HERC2: variants seen among roughly 807,000 people sequenced by gnomAD.
The protein encoded by HERC2 is E3 ubiquitin-protein ligase HERC2.
A neutral mutation model predicts 537.7 loss-of-function variants in HERC2; 102 were observed. That is an observed-to-expected ratio of 0.19 (90% CI 0.16 to 0.22). HERC2 has a LOEUF of 0.22. HERC2 is among the 10% of genes least tolerant of loss of function. The pLI is 1.00. For synonymous variants in HERC2, 2,224 were observed against 2,466.2 expected, an observed-to-expected ratio of 0.90 and a Z score of 2.91; for missense variants, 4,236 against 6,198.2, an observed-to-expected ratio of 0.68 and a Z score of 10.63.
At chr15:28,142,179 C>T in intron 76 of HERC2, 59 bp downstream of exon 76, 1 of 1,564,986 alleles carries the variant, frequency 6.4e-7, no homozygotes, top group Non-Finnish European at 8.7e-7. Flanking sequence ...CATCTTGTTA[C>T]ACTATAGCTA....
rs1016292822 is a variant in HERC2 at position 28,269,121 on chromosome 15, A to G, written c.1446+127T>C. 25 of 696,664 alleles carry G rather than the reference A, an allele frequency of 3.6e-5. No homozygotes were observed. The African/African-American group carries it at 4.5e-4, about 12-fold the overall frequency. 43.2% of individuals were successfully genotyped at this position (696,664 alleles called of 1,614,324 possible). A position where few individuals can be genotyped will look rare whatever the true frequency, so the allele number is the denominator to read the frequency against. On this transcript the variant is annotated intron_variant, in intron 11 of 92. Transcript: ENST00000261609. Reference sequence around the variant, plus strand: ...CAACTGAGATCATTAAACATAATATACAATAAACAGAACTTTGTCAATCTT... The same window carrying G: ...CAACTGAGATCATTAAACATAATATGCAATAAACAGAACTTTGTCAATCTT...
At chr15:28,228,129 TAAAAAAAAAA>T (rs367658561) in intron 35 of HERC2, 79 bp downstream of exon 35, 2 of 940,720 alleles carry the variant, frequency 2.1e-6, no homozygotes, top group African/African-American at 3.6e-5. Context: ...CAAAAAGCTT[TAAAAAAAAAA>T]AAAAAGAAAA....
At chr15:28,207,052 C>T (rs1898557691) in intron 44 of HERC2, among the ~76,000 whole-genome samples, 1 of 151,814 alleles carries the variant, frequency 6.6e-6, no homozygotes, top group South Asian at 2.1e-4. Flanking sequence ...ACTTTCACTG[C>T]CTGCTTTTGG....
intron 26 of HERC2, among the ~76,000 whole-genome samples, chr15:28,236,575 G>C (rs1255333778): frequency 6.6e-6 from 1 of 150,706 alleles, no homozygotes; most frequent in Admixed American, 6.6e-5. Context: ...ACAGGCATGA[G>C]CCACTGCCTG....
intron 4 of HERC2, among the ~76,000 whole-genome samples, chr15:28,284,822 G>A (rs929818185): frequency 1.3e-5 from 2 of 149,480 alleles, no homozygotes; most frequent in African/African-American, 4.9e-5. Context: ...GGCTGAGGCA[G>A]GAGAATCACT....
intron 4 of HERC2, among the ~76,000 whole-genome samples, chr15:28,290,839 G>T (rs1269885158): frequency 6.6e-6 from 1 of 152,166 alleles, no homozygotes; most frequent in Admixed American, 6.5e-5. Flanking sequence ...TTATATTATA[G>T]TTTTGAACAC....
chr15:28,128,822 G>C (rs1435051600), intron 83 of HERC2, among the ~76,000 whole-genome samples: 1 of 152,170 alleles, frequency 6.6e-6, no homozygotes, highest in African/African-American at 2.4e-5. Context: ...ACACAGCTCA[G>C]TTCTCTGTGG....
chr15:28,163,336 A>G (rs1893808080), intron 68 of HERC2, 51 bp from the exon 69 acceptor site: 2 of 1,523,572 alleles, frequency 1.3e-6, no homozygotes, highest in Non-Finnish European at 1.8e-6. Flanking sequence ...ATGCTAAGAG[A>G]TAAAGAGTCA....
At chr15:28,300,172 G>C (rs1248910059) in intron 2 of HERC2, among the ~76,000 whole-genome samples, 3 of 151,954 alleles carry the variant, frequency 2.0e-5, no homozygotes, top group Non-Finnish European at 4.4e-5. Flanking sequence ...CGGGGAAATG[G>C]GGAGGGGACA....
intron 16 of HERC2, among the ~76,000 whole-genome samples, chr15:28,259,697 G>A (rs1442808695): frequency 6.6e-5 from 10 of 151,616 alleles, no homozygotes; most frequent in African/African-American, 2.2e-4. Context: ...GCTCACACCT[G>A]TAATCCCAGC....
chr15:28,270,359 A>C (rs2075688211), intron 10 of HERC2, among the ~76,000 whole-genome samples: 1 of 152,070 alleles, frequency 6.6e-6, no homozygotes, highest in African/African-American at 2.4e-5. Flanking sequence ...TTACATACTA[A>C]GACAGTCCGC....
In HERC2 at chr15:28,167,756, A is replaced by T. The variant is rs1247111668; in HGVS notation, c.10485T>A (p.Pro3495=). Reference sequence around the variant, plus strand: ...CCAGGTCATCCGTCACTGGGATAAAAGGCCGAGCGGAGGCTGAGGGGGCCG... The same window carrying T: ...CCAGGTCATCCGTCACTGGGATAAATGGCCGAGCGGAGGCTGAGGGGGCCG... ...TPSAPSASAR[P]FIPVTDDLGA... is the part of the protein sequence containing the mutation. The change falls in exon 68 of 93, where the codon CCT becomes CCA. Residue 3495 remains proline, a synonymous_variant. Transcript: ENST00000261609. 6.2e-7 allele frequency: 1 copy of T among 1,614,194 alleles called. No homozygotes were observed. Among genetic ancestry groups the T allele is most frequent in the East Asian group, 2.2e-5 (1 of 44,878 alleles).
intron 2 of HERC2, among the ~76,000 whole-genome samples, chr15:28,306,051 G>C (rs1343902882): frequency 6.6e-6 from 1 of 152,172 alleles, no homozygotes; most frequent in Non-Finnish European, 1.5e-5. Flanking sequence ...AGGATGTGGA[G>C]AAATAGGAAC....
At chr15:28,251,007 C>G (rs939412343) in intron 20 of HERC2, among the ~76,000 whole-genome samples, 7 of 152,158 alleles carry the variant, frequency 4.6e-5, no homozygotes, top group African/African-American at 1.7e-4. Flanking sequence ...ATGTCCCATA[C>G]AGGACCCCAC....
At chr15:28,255,183 C>A (rs938497013) in intron 19 of HERC2, among the ~76,000 whole-genome samples, 4 of 151,988 alleles carry the variant, frequency 2.6e-5, no homozygotes, top group Admixed American at 6.6e-5. Context: ...AAAAAAATCA[C>A]AAAACTAGCC....
intron 4 of HERC2, among the ~76,000 whole-genome samples, chr15:28,283,183 G>A (rs1261390589): frequency 1.3e-5 from 2 of 151,970 alleles, no homozygotes; most frequent in Non-Finnish European, 2.9e-5. Flanking sequence ...CCCAAATTTG[G>A]CAAGAGACAT....
At chr15:28,227,519 G>A (rs1053262266) in intron 35 of HERC2, among the ~76,000 whole-genome samples, 1 of 151,160 alleles carries the variant, frequency 6.6e-6, no homozygotes, top group Non-Finnish European at 1.5e-5. Context: ...CAGAGAAACT[G>A]GAACCCTGGA....
chr15:28,316,228 A>C (rs1381800604), intron 2 of HERC2, among the ~76,000 whole-genome samples: 17 of 137,142 alleles, frequency 1.2e-4, no homozygotes, highest in African/African-American at 5.7e-4. Flanking sequence ...GTCTCAAAAA[A>C]AAAAAAAAAA....
intron 65 of HERC2, among the ~76,000 whole-genome samples, chr15:28,171,931 CGGGCGT>C (rs893362442): frequency 4.0e-5 from 6 of 151,748 alleles, no homozygotes; most frequent in Non-Finnish European, 8.8e-5. Flanking sequence ...AAAAATTAGC[CGGGCGT>C]GGTGGCAGGT....
Sources: gnomAD v4.1 joint callset for allele counts (sites outside exome capture counted in the v4.1 genomes callset) on GRCh38, gnomAD v4.1.1 for gene constraint, MANE v1.5 for transcripts, NCBI Gene and HGNC (gene_info 2026-07-23, HGNC 2026-07-21) for gene names.